The following FOXP3 variants were observed in gnomAD, a reference collection of about 807,000 sequenced individuals.
FOXP3 encodes forkhead box protein P3.
A neutral mutation model predicts 31.2 loss-of-function variants in FOXP3; 5 were observed. The ratio of observed to expected loss-of-function variants is 0.16; its 90% CI spans 0.08 to 0.34. FOXP3 has a LOEUF of 0.34. FOXP3 is among the 10% of genes least tolerant of loss of function. The pLI is 1.00. For missense variants in FOXP3, 251 were observed against 363.0 expected, an observed-to-expected ratio of 0.69 and a Z score of 2.51; for synonymous variants, 141 against 148.8, an observed-to-expected ratio of 0.95 and a Z score of 0.38.
chrX:49,259,369 G>A (rs2066096584), intron 1 of FOXP3: 2 of 495,618 alleles, frequency 4.0e-6, no homozygotes, highest in East Asian at 3.7e-5. Flanking sequence ...GCAAGGAGGC[G>A]AGTCCAGGAG....
intron 10 of FOXP3, among the ~76,000 whole-genome samples, chrX:49,252,673 C>T (rs2066041500): frequency 9.2e-6 from 1 of 108,607 alleles, no homozygotes; most frequent in Admixed American, 9.9e-5. Flanking sequence ...GGAATGGTGC[C>T]CAGTTGGGGG....
At chrX:49,257,181 C>T (rs1295123481) in intron 4 of FOXP3, among the ~76,000 whole-genome samples, 169 bp from the exon 5 acceptor site, 2 of 112,651 alleles carry the variant, frequency 1.8e-5, no homozygotes, top group South Asian at 3.6e-4. Flanking sequence ...AGCTTAAAGA[C>T]GGCCATTCGC....
chrX:49,253,676 A>G (rs1238287287), intron 9 of FOXP3, among the ~76,000 whole-genome samples: 2 of 112,162 alleles, frequency 1.8e-5, no homozygotes, highest in Non-Finnish European at 3.8e-5. Flanking sequence ...CATGGCCCCA[A>G]TCCCCAAGGG....
intron 6 of FOXP3, among the ~76,000 whole-genome samples, chrX:49,256,376 G>GGCAAA (rs1569529746): frequency 9.1e-6 from 1 of 110,031 alleles, no homozygotes; most frequent in Non-Finnish European, 1.9e-5. Flanking sequence ...GGAGTAGCAG[G>GGCAAA]GCAAAGCAGG....
intron 1 of FOXP3, among the ~76,000 whole-genome samples, chrX:49,260,663 C>T (rs2066104730): frequency 8.9e-6 from 1 of 112,617 alleles, no homozygotes. Context: ...GTTGGGACGT[C>T]CCTTTCTGAC....
rs1557115601 is a variant in FOXP3 at position 49,251,705 on chromosome X, G to A, written c.1105C>T (p.Arg369Cys). 2 of 1,202,853 alleles carry A rather than the reference G, an allele frequency of 1.7e-6. No individual in the cohort carries two copies. Among genetic ancestry groups the A allele is most frequent in the Admixed American group, 2.2e-5 (1 of 46,040 alleles). The change falls in exon 11 of 12, where the codon CGC (arginine) becomes TGC (cysteine). Residue 369 changes from arginine to cysteine, a missense_variant. This residue lies in a region of FOXP3 where 36 missense variants were observed against 88.1 expected (regional missense o/e 0.41). Coordinates refer to ENST00000376207, the MANE Select transcript of FOXP3 (RefSeq NM_014009.4). ...TLNEIYHWFTRMFAFFRNHPA... is the reference protein window; with the variant it reads ...TLNEIYHWFTCMFAFFRNHPA... ...TGGTTTCTGAAGAAGGCAAACATGC[G>A]TGTGAACCAGTGGTAGATCTCATTG... is the stretch of plus-strand genomic sequence containing the variant.
intron 1 of FOXP3, 49 bp from the exon 2 acceptor site, chrX:49,258,576 G>A: frequency 1.0e-6 from 1 of 998,851 alleles, no homozygotes; most frequent in South Asian, 2.5e-5. Context: ...AGGGCGGTAT[G>A]AGATACTCGA....
intron 6 of FOXP3, among the ~76,000 whole-genome samples, chrX:49,256,469 T>C (rs970660011): frequency 4.1e-4 from 46 of 111,175 alleles, no homozygotes; most frequent in African/African-American, 1.4e-3. Flanking sequence ...TCAAGACACT[T>C]AACCTCTTTG....
chrX:49,257,021 G>A lies in FOXP3; in HGVS notation c.455-9C>T. The A allele has an allele frequency of 8.4e-7, 1 of 1,193,904 alleles. No homozygotes were observed. Among genetic ancestry groups the A allele is most frequent in the Non-Finnish European group, 1.1e-6 (1 of 881,910 alleles). On this transcript the variant is annotated splice_polypyrimidine_tract_variant and intron_variant, in intron 4 of 11. Coordinates refer to ENST00000376207, the MANE Select transcript of FOXP3 (RefSeq NM_014009.4). Reference sequence around the variant, plus strand: ...GCTGGCCACGTTGATCCCTGTGGGTGGGGACAGGGCACCTATGGAGGCTGT... The same window carrying A: ...GCTGGCCACGTTGATCCCTGTGGGTAGGGACAGGGCACCTATGGAGGCTGT...
intron 10 of FOXP3, among the ~76,000 whole-genome samples, chrX:49,252,509 G>A (rs1193551203): frequency 9.1e-6 from 1 of 110,324 alleles, no homozygotes; most frequent in Non-Finnish European, 1.9e-5. Flanking sequence ...GACAGTCGGG[G>A]AATATCTGGT....
At chrX:49,263,688 CACTT>C (rs2066123339) in intron 1 of FOXP3, among the ~76,000 whole-genome samples, 1 of 112,288 alleles carries the variant, frequency 8.9e-6, no homozygotes, top group Non-Finnish European at 1.9e-5. Context: ...ACTTCGTGAG[CACTT>C]ACTTTGTGCC....
intron 1 of FOXP3, among the ~76,000 whole-genome samples, chrX:49,261,669 C>T (rs1013504020): frequency 8.9e-6 from 1 of 112,235 alleles, no homozygotes; most frequent in Admixed American, 9.3e-5. Flanking sequence ...ACACTGTGAT[C>T]GTGGATCGTC....
Position 49,264,645 on chromosome X carries a change from G to A in FOXP3, c.-23+16C>T. The stretch of plus-strand genomic sequence containing the variant: ...AATGGGGCCCACATCTGGTAGGGGA[G>A]AGCAGGGACACTCACCTTGGTGAAG... On this transcript the variant is annotated intron_variant, in intron 1 of 11. Transcript: ENST00000376207. 1.3e-6 allele frequency: 1 copy of A among 752,794 alleles called. No individual in the cohort carries two copies. Among genetic ancestry groups the A allele is most frequent in the Non-Finnish European group, 1.6e-6 (1 of 637,679 alleles). The allele number at this position is 752,794 out of a possible 1,213,427, so 62.0% of individuals were successfully genotyped here.
chrX:49,255,396 G>A (rs782387734), intron 8 of FOXP3, 33 bp downstream of exon 8: 6 of 1,169,055 alleles, frequency 5.1e-6, no homozygotes, highest in African/African-American at 1.7e-5. Flanking sequence ...CCAGCAGTCT[G>A]AGTCTGCCAC....
At position 49,257,507 on chromosome X, in the gene FOXP3, C is replaced by A; in HGVS notation, c.374G>T (p.Ser125Ile). 3 of 1,161,749 alleles carry A rather than the reference C, an allele frequency of 2.6e-6. No individual in the cohort carries two copies. The highest frequency in any genetic ancestry group is 2.3e-6 in the Non-Finnish European group (2 of 866,927). Residue 125 changes from serine (S) to isoleucine (I), a missense_variant, in exon 4 of 12, where the codon AGC becomes ATC. Physicochemically the swap from Ser to Ile is moderately radical, Grantham distance 142 (BLOSUM62 -2). Coordinates refer to ENST00000376207, the MANE Select transcript of FOXP3 (RefSeq NM_014009.4). ...TPVLQVHPLE[S>I]PAMISLTPPT... ...TGGTGTGAGGCTGATCATGGCTGGG[C>A]TCTCCAGGGGGTGCACCTGCAGCAC...
rs2066025377 is a variant in FOXP3, at chrX:49,250,875, T to C, written c.*459A>G. On this transcript the variant is annotated 3_prime_UTR_variant, in exon 12 of 12. Transcript: ENST00000376207. ...TTGTCAGGGCTGTGCTTGTGTGTGA[T>C]TGTGTGATGATGCAGCTTTGAGGTT... The C allele has an allele frequency of 4.5e-6, 1 of 223,826 alleles. No homozygotes were observed. Among genetic ancestry groups the C allele is most frequent in the Non-Finnish European group, 8.1e-6 (1 of 122,764 alleles). 18.4% of individuals were successfully genotyped at this position (223,826 alleles called of 1,213,427 possible).
chrX:49,251,780 G>C lies in FOXP3; in HGVS notation c.1045-15C>G. ...TCCAGGATGGCCTGGAAGTTGGGGG[G>C]TGGGGTAAGGGGCACATTCCCCAAA... On this transcript the variant is annotated splice_polypyrimidine_tract_variant and intron_variant, in intron 10 of 11. Transcript: ENST00000376207. The C allele has an allele frequency of 8.3e-7, 1 of 1,198,731 alleles. No individual in the cohort carries two copies. The highest frequency in any genetic ancestry group is 1.1e-6 in the Non-Finnish European group (1 of 894,397).
chrX:49,256,964 A>T lies in FOXP3; in HGVS notation c.503T>A (p.Leu168His). ...LEWVSREPAL[L>H]CTFPNPSAPR... The stretch of plus-strand genomic sequence containing the variant: ...TGCACTGGGATTTGGGAAGGTGCAG[A>T]GCAGTGCCGGCTCCCTGGACACCCA... The change falls in exon 5 of 12, where the codon CTC becomes CAC. Residue 168 changes from leucine (L) to histidine (H), a missense_variant. This residue lies in a region of FOXP3 where 152 missense variants were observed against 188.1 expected (regional missense o/e 0.81). Coordinates refer to ENST00000376207, the MANE Select transcript of FOXP3 (RefSeq NM_014009.4). The T allele has an allele frequency of 8.3e-7, 1 of 1,211,345 alleles. No homozygotes were observed. Among genetic ancestry groups the T allele is most frequent in the East Asian group, 3.0e-5 (1 of 33,844 alleles).
chrX:49,251,795 C>T (rs371124215), intron 10 of FOXP3, 30 bp from the exon 11 acceptor site: 5 of 1,193,574 alleles, frequency 4.2e-6, no homozygotes, highest in Admixed American at 2.2e-5. Flanking sequence ...GTAAGGGGCA[C>T]ATTCCCCAAA....
Sources: gnomAD v4.1 joint callset for allele counts (sites outside exome capture counted in the v4.1 genomes callset) on GRCh38, gnomAD v4.1.1 for gene constraint, gnomAD v4.1.1 regional missense constraint, MANE v1.5 for transcripts, NCBI Gene and HGNC (gene_info 2026-07-23, HGNC 2026-07-21) for gene names.